The following BBS2 variants were observed in gnomAD, a reference collection of about 807,000 sequenced individuals.
The protein encoded by BBS2 is Bardet-Biedl syndrome 2, also known as BBSome complex member BBS2.
A neutral mutation model predicts 83.0 loss-of-function variants in BBS2; 62 were observed. That is an observed-to-expected ratio of 0.75 (90% confidence interval 0.61 to 0.92). The LOEUF is 0.92. Ranked by LOEUF, BBS2 falls within the 40% of genes least tolerant of loss-of-function variation. The pLI, the probability that BBS2 is intolerant of heterozygous loss-of-function variation, is 0.00. For synonymous variants in BBS2, 303 were observed against 326.1 expected, an observed-to-expected ratio of 0.93 and a Z score of 0.76; for missense variants, 784 against 901.0, an observed-to-expected ratio of 0.87 and a Z score of 1.66.
chr16:56,497,322 A>G (rs1964142987), intron 14 of BBS2: 3 of 561,450 alleles, frequency 5.3e-6, no homozygotes, highest in Non-Finnish European at 9.5e-6. Context: ...GAGCCCCCAC[A>G]ACACACATAT....
downstream of BBS2, among the ~76,000 whole-genome samples, chr16:56,480,366 C>CAAAAAAAAAAAAA (rs1157907841): frequency 1.1e-5 from 1 of 90,228 alleles, no homozygotes; most frequent in Non-Finnish European, 2.3e-5. Context: ...AAAAAAAAAA[C>CAAAAAAAAAAAAA]AAAAAAAAAA....
Position 56,500,959 on chromosome 16 carries a change from T to C in BBS2, c.1292A>G (p.His431Arg). 1 of 1,614,142 alleles carries C rather than the reference T, an allele frequency of 6.2e-7. No individual in the cohort carries two copies. ...GIFTGESHVV[H>R]PSIHNLSSSI... is the part of the protein sequence containing the mutation. ...ACTGGAGAGGTTGTGAATGCTGGGA[T>C]GTACCACGTGGCTTTCACCTGTAAA... The change falls in exon 11 of 17, where the codon CAT becomes CGT. Residue 431 changes from histidine (H) to arginine (R), a missense_variant. By Grantham distance (29) the His-to-Arg change is conservative. Coordinates refer to ENST00000245157, the MANE Select transcript of BBS2 (RefSeq NM_031885.5).
rs567721056 is a variant in BBS2, at chr16:56,475,594, T to A, written c.*1-4899A>T. ...AGTTTCTTCTGATAGCAAACTATCA[T>A]TTTTAGTTATTGAGAATGCTTTCAT... is the stretch of plus-strand genomic sequence containing the variant. On this transcript the variant is annotated intron_variant, in intron 17 of 17. Transcript: ENST00000682047. The A allele has an allele frequency of 6.9e-6, 11 of 1,592,592 alleles. No individual in the cohort carries two copies. The South Asian group carries it at 1.2e-4, about 18-fold the overall frequency.
intron 17 of BBS2, among the ~76,000 whole-genome samples, chr16:56,471,379 A>G (rs938409552): frequency 6.6e-6 from 1 of 151,982 alleles, no homozygotes; most frequent in Non-Finnish European, 1.5e-5. Context: ...AAAAAAAAAA[A>G]AGAAATGACT....
At chr16:56,474,992 AGGG>A in intron 17 of BBS2, 1 of 1,606,342 alleles carries the variant, frequency 6.2e-7, no homozygotes. Context: ...TCCCCGTAGG[AGGG>A]GCAGTCTCTT....
At chr16:56,496,890 G>A (rs566712248) in intron 15 of BBS2, 77 bp downstream of exon 15, 2 of 1,042,206 alleles carry the variant, frequency 1.9e-6, no homozygotes, top group Non-Finnish European at 3.0e-6. Context: ...ACTTCTATTG[G>A]TAACATCTGA....
At chr16:56,474,251 AT>A (rs1204404077) in intron 17 of BBS2, among the ~76,000 whole-genome samples, 1 of 148,056 alleles carries the variant, frequency 6.8e-6, no homozygotes, top group Non-Finnish European at 1.5e-5. Flanking sequence ...CGTATTTTTT[AT>A]TTTTTTGCAA....
At chr16:56,504,132 T>C (rs1488879351) in intron 7 of BBS2, among the ~76,000 whole-genome samples, 1 of 152,218 alleles carries the variant, frequency 6.6e-6, no homozygotes, top group East Asian at 1.9e-4. Flanking sequence ...AGTATATCAC[T>C]GTCAAGTATT....
intron 1 of BBS2, 33 bp downstream of exon 1, chr16:56,519,713 G>A: frequency 6.4e-7 from 1 of 1,556,750 alleles, no homozygotes; most frequent in Non-Finnish European, 8.8e-7. Flanking sequence ...TGGTTCCCTG[G>A]GGCCCGGGCT....
chr16:56,499,414 T>C (rs972585545), intron 12 of BBS2: 9 of 328,614 alleles, frequency 2.7e-5, no homozygotes. Flanking sequence ...TGAGTTAACG[T>C]AGCACTTAAA....
intron 14 of BBS2, 43 bp downstream of exon 14, chr16:56,497,700 A>G (rs548948340): frequency 2.1e-5 from 33 of 1,607,492 alleles, no homozygotes; most frequent in Non-Finnish European, 2.7e-5. Context: ...AAATATTATT[A>G]GACTACCACA....
chr16:56,470,867 T>A, intron 17 of BBS2: 1 of 1,379,340 alleles, frequency 7.2e-7, no homozygotes, highest in Non-Finnish European at 9.7e-7. Context: ...TCAACAAACA[T>A]TTATTGAGCA....
intron 4 of BBS2, among the ~76,000 whole-genome samples, chr16:56,510,385 A>AGG (rs1386166907): frequency 1.3e-5 from 2 of 152,198 alleles, no homozygotes; most frequent in African/African-American, 4.8e-5. Flanking sequence ...TGGACAAGAG[A>AGG]GGGGCAAGTC....
downstream of BBS2, among the ~76,000 whole-genome samples, chr16:56,484,100 G>A (rs1199347352): frequency 1.3e-5 from 2 of 151,562 alleles, no homozygotes; most frequent in Middle Eastern, 3.4e-3. Flanking sequence ...TCTGCCACCC[G>A]GGTTCAAGCA....
chr16:56,489,948 A>AC (rs1963893413), intron 15 of BBS2, among the ~76,000 whole-genome samples: 1 of 151,890 alleles, frequency 6.6e-6, no homozygotes, highest in African/African-American at 2.4e-5. Flanking sequence ...ACAGAGCGAG[A>AC]CCCTGGGTCT....
rs763333622 is a variant in BBS2, at chr16:56,519,887, G to A, written c.-25C>T. The A allele has an allele frequency of 3.8e-6, 6 of 1,585,780 alleles. No homozygotes were observed. The highest frequency in any genetic ancestry group is 4.3e-6 in the Non-Finnish European group (5 of 1,154,712). On this transcript the variant is annotated 5_prime_UTR_variant, in exon 1 of 17. Transcript: ENST00000245157. ...TGATGGCGGCGGCTTAGGGGAGGAGGGCTGGAAGCTGGAGACAAGCGCAGC... is the reference window on the plus strand; with the variant it reads ...TGATGGCGGCGGCTTAGGGGAGGAGAGCTGGAAGCTGGAGACAAGCGCAGC...
intron 1 of BBS2, among the ~76,000 whole-genome samples, chr16:56,519,192 G>A (rs1046051883): frequency 2.6e-5 from 4 of 151,894 alleles, no homozygotes; most frequent in Non-Finnish European, 5.9e-5. Context: ...TTAGCCAGGC[G>A]TGGTGGCGGG....
chr16:56,499,753 T>G (rs746087865), intron 12 of BBS2, 25 bp downstream of exon 12: 2 of 1,613,770 alleles, frequency 1.2e-6, no homozygotes, highest in East Asian at 2.2e-5. Context: ...GTAAAAGCAT[T>G]GAAAGAGAAA....
intron 7 of BBS2, among the ~76,000 whole-genome samples, chr16:56,503,684 C>A (rs1271620872): frequency 2.0e-5 from 3 of 152,204 alleles, no homozygotes; most frequent in Non-Finnish European, 4.4e-5. Context: ...CTTTGTGAGG[C>A]CGAGGCAGGC....
Sources: allele counts gnomAD v4.1 joint callset (sites outside exome capture counted in the v4.1 genomes callset), GRCh38; gene constraint gnomAD v4.1.1; transcripts MANE v1.5; gene names NCBI Gene and HGNC (gene_info 2026-07-23, HGNC 2026-07-21).